Variants in PTPRM observed in about 807,000 individuals in gnomAD.
PTPRM encodes the protein protein tyrosine phosphatase receptor type M.
In PTPRM, 47 loss-of-function variants were observed where a neutral mutation model predicts 186.7. The ratio of observed to expected loss-of-function variants is 0.25; its 90% CI spans 0.20 to 0.32. The LOEUF (loss-of-function observed/expected upper bound fraction) is 0.32, where lower values mean the gene tolerates loss of function less well. Ranked by LOEUF, PTPRM falls within the 10% of genes least tolerant of loss-of-function variation. The pLI is 1.00. For missense variants in PTPRM, 1,494 were observed against 1,865.0 expected, an observed-to-expected ratio of 0.80 and a Z score of 3.66; for synonymous variants, 668 against 674.9, an observed-to-expected ratio of 0.99 and a Z score of 0.16.
rs201637783 is a variant in PTPRM at position 8,343,467 on chromosome 18, C to T, written c.3001C>T (p.His1001Tyr). Residue 1001 changes from histidine to tyrosine, a missense_variant, in exon 23 of 33, where the codon CAC becomes TAC. Coordinates refer to ENST00000580170, the MANE Select transcript of PTPRM (RefSeq NM_001105244.2). ...TIYDFWRMVW[H>Y]ENTASIIMVT... The stretch of plus-strand genomic sequence containing the variant: ...CTATGACTTCTGGAGGATGGTGTGG[C>T]ACGAAAACACTGCAAGTATCATCAT... The T allele has an allele frequency of 1.4e-4, 233 of 1,613,846 alleles. No homozygotes were observed. Among genetic ancestry groups the T allele is most frequent in the Non-Finnish European group, 1.8e-4 (217 of 1,179,944 alleles).
chr18:8,300,012 G>A (rs748841192), intron 20 of PTPRM, among the ~76,000 whole-genome samples: 9 of 152,274 alleles, frequency 5.9e-5, no homozygotes, highest in South Asian at 2.1e-4. Context: ...CCCAAACAGA[G>A]GTATCAGATG....
intron 1 of PTPRM, among the ~76,000 whole-genome samples, chr18:7,584,334 T>C (rs1009738217): frequency 1.3e-5 from 2 of 152,154 alleles, no homozygotes; most frequent in South Asian, 4.1e-4. Context: ...CCTGGGCAGA[T>C]AGAGATAAAA....
intron 1 of PTPRM, among the ~76,000 whole-genome samples, chr18:7,740,238 G>C (rs77172492): frequency 0.017 from 2,604 of 152,182 alleles, 68 homozygotes; most frequent in African/African-American, 0.06. Flanking sequence ...AATTGTAGTA[G>C]GTTCTATTGC....
chr18:8,313,584 T>C (rs906335974), intron 20 of PTPRM, among the ~76,000 whole-genome samples: 1 of 151,886 alleles, frequency 6.6e-6, no homozygotes, highest in African/African-American at 2.4e-5. Context: ...TTTTTTTTTT[T>C]AATTTTTAGT....
intron 2 of PTPRM, among the ~76,000 whole-genome samples, chr18:7,812,745 G>C (rs1171852177): frequency 6.7e-6 from 1 of 150,076 alleles, no homozygotes; most frequent in Non-Finnish European, 1.5e-5. Flanking sequence ...TTCTTTGACA[G>C]CAATACTTGT....
intron 4 of PTPRM, among the ~76,000 whole-genome samples, chr18:7,916,227 C>G (rs1004846598): frequency 6.6e-6 from 1 of 151,828 alleles, no homozygotes; most frequent in Non-Finnish European, 1.5e-5. Flanking sequence ...CAAAACTGCA[C>G]TTGGATCCCT....
intron 21 of PTPRM, among the ~76,000 whole-genome samples, chr18:8,315,203 T>C (rs192441692): frequency 4.1e-4 from 63 of 152,312 alleles, no homozygotes; most frequent in Non-Finnish European, 6.9e-4. Context: ...ACTAAGAAAA[T>C]GTTATTTCCA....
At chr18:8,335,066 C>G (rs565293103) in intron 22 of PTPRM, among the ~76,000 whole-genome samples, 4 of 152,204 alleles carry the variant, frequency 2.6e-5, no homozygotes, top group Admixed American at 6.5e-5. Flanking sequence ...AAAACCGGAA[C>G]TTTCCTTAGT....
At chr18:7,855,633 GT>G (rs1241685653) in intron 2 of PTPRM, among the ~76,000 whole-genome samples, 1 of 152,216 alleles carries the variant, frequency 6.6e-6, no homozygotes, top group East Asian at 1.9e-4. Flanking sequence ...TGAGAACTAA[GT>G]AAGCTTTTTG....
chr18:8,385,767 A>G (rs749953229), intron 30 of PTPRM, among the ~76,000 whole-genome samples: 13 of 152,242 alleles, frequency 8.5e-5, no homozygotes, highest in African/African-American at 1.4e-4. Context: ...CAAAAATCCA[A>G]TGGTGTAATT....
rs574096157 is a variant in PTPRM at position 7,742,046 on chromosome 18, G to T, written c.74-32103G>T. ...TGCCATTAACATGTTGTTCCCCACT[G>T]AAATTTCCTGGAGTTTGAAGGAAGA... On this transcript the variant is annotated intron_variant, in intron 1 of 32. Coordinates refer to ENST00000580170, the MANE Select transcript of PTPRM (RefSeq NM_001105244.2). 35 of 152,122 alleles carry T rather than the reference G, an allele frequency of 2.3e-4. 1 individual carries two copies. Among genetic ancestry groups the T allele is most frequent in the Non-Finnish European group, 1.2e-4 (8 of 68,034 alleles). 9.4% of individuals were successfully genotyped at this position (152,122 alleles called of 1,614,324 possible). A position where few individuals can be genotyped will look rare whatever the true frequency, so the allele number is the denominator to read the frequency against.
chr18:7,920,223 C>T (rs543100069), intron 4 of PTPRM, among the ~76,000 whole-genome samples: 2 of 152,172 alleles, frequency 1.3e-5, no homozygotes, highest in South Asian at 2.1e-4. Context: ...TTACTACTGC[C>T]ATTTTGTTGC....
intron 2 of PTPRM, among the ~76,000 whole-genome samples, chr18:7,874,509 C>T (rs2048133394): frequency 6.6e-6 from 1 of 150,558 alleles, no homozygotes; most frequent in African/African-American, 2.4e-5. Flanking sequence ...TCAAATGAAG[C>T]TTTTAAAAAA....
chr18:7,661,410 GCTGTTGTAAAGAC>G (rs1289284944), intron 1 of PTPRM, among the ~76,000 whole-genome samples: 2 of 152,246 alleles, frequency 1.3e-5, no homozygotes, highest in African/African-American at 4.8e-5. Context: ...AGTGCAGTTT[GCTGTTGTAAAGAC>G]CTTAGCCCTG....
At chr18:7,805,272 C>T (rs1430120353) in intron 2 of PTPRM, among the ~76,000 whole-genome samples, 1 of 152,190 alleles carries the variant, frequency 6.6e-6, no homozygotes, top group Non-Finnish European at 1.5e-5. Context: ...CCCTCATTAT[C>T]TCTGATGTCT....
intron 14 of PTPRM, among the ~76,000 whole-genome samples, chr18:8,169,515 C>G (rs999748968): frequency 6.6e-6 from 1 of 152,070 alleles, no homozygotes; most frequent in African/African-American, 2.4e-5. Context: ...CTCCATGTAG[C>G]CTTTTCAGAT....
chr18:8,322,290 T>C (rs1419962532), intron 22 of PTPRM, among the ~76,000 whole-genome samples: 1 of 152,208 alleles, frequency 6.6e-6, no homozygotes, highest in Non-Finnish European at 1.5e-5. Flanking sequence ...CTCAATTTTA[T>C]TGATTTTTCT....
intron 14 of PTPRM, among the ~76,000 whole-genome samples, chr18:8,174,031 A>G (rs1568465048): frequency 6.7e-6 from 1 of 150,228 alleles, no homozygotes; most frequent in Non-Finnish European, 1.5e-5. Context: ...ACGCCACTGC[A>G]CTCCAGTCTG....
intron 7 of PTPRM, among the ~76,000 whole-genome samples, chr18:8,031,067 T>A (rs181060829): frequency 6.6e-6 from 1 of 152,348 alleles, no homozygotes; most frequent in East Asian, 1.9e-4. Context: ...GCCCATTCAT[T>A]TGATCTTTGA....
Sources: allele counts gnomAD v4.1 joint callset (sites outside exome capture counted in the v4.1 genomes callset), GRCh38; gene constraint gnomAD v4.1.1; transcripts MANE v1.5; gene names NCBI Gene and HGNC (gene_info 2026-07-23, HGNC 2026-07-21).